NRG3: variants seen among roughly 807,000 people sequenced by gnomAD.
NRG3 encodes neuregulin 3.
NRG3 carries 31 observed loss-of-function variants against 66.9 expected under a neutral mutation model. That is an observed-to-expected ratio of 0.46 (90% CI 0.35 to 0.63). The LOEUF (loss-of-function observed/expected upper bound fraction) is 0.63, where lower values mean the gene tolerates loss of function less well. NRG3 is among the 20% of genes least tolerant of loss of function. NRG3 has a pLI of 0.00. For synonymous variants in NRG3, 393 were observed against 359.4 expected (o/e 1.09, Z -1.06); for missense variants, 910 against 878.9 (o/e 1.04, Z -0.45).
At chr10:82,085,561 A>G (rs1338056631) in intron 1 of NRG3, among the ~76,000 whole-genome samples, 23 of 151,840 alleles carry the variant, frequency 1.5e-4, no homozygotes, top group Admixed American at 1.3e-3. Flanking sequence ...AGGGGGACAG[A>G]CTCACACTTT....
chr10:82,209,804 C>G (rs975933397), intron 1 of NRG3, among the ~76,000 whole-genome samples: 8 of 152,030 alleles, frequency 5.3e-5, no homozygotes, highest in African/African-American at 1.9e-4. Flanking sequence ...ATCTAAAAAC[C>G]TTTCAGTTTT....
intron 1 of NRG3, among the ~76,000 whole-genome samples, chr10:82,096,776 T>C (rs1457753836): frequency 6.6e-6 from 1 of 152,090 alleles, no homozygotes; most frequent in African/African-American, 2.4e-5. Context: ...GAAAAGATGA[T>C]AGTTTTTCAG....
intron 2 of NRG3, among the ~76,000 whole-genome samples, chr10:82,528,488 G>A (rs563810847): frequency 2.6e-5 from 4 of 152,100 alleles, no homozygotes; most frequent in African/African-American, 4.8e-5. Context: ...TGGATATTTG[G>A]ACAATTCAGA....
chr10:81,884,247 A>T (rs530644596), intron 1 of NRG3, among the ~76,000 whole-genome samples: 8 of 152,330 alleles, frequency 5.3e-5, no homozygotes, highest in African/African-American at 1.9e-4. Context: ...CTTCACACAC[A>T]GATAGTGGCA....
intron 2 of NRG3, among the ~76,000 whole-genome samples, chr10:82,656,023 T>G (rs180948636): frequency 8.5e-5 from 13 of 152,338 alleles, no homozygotes. Flanking sequence ...AACTAATATC[T>G]AAAAGTAGTT....
intron 2 of NRG3, among the ~76,000 whole-genome samples, chr10:82,695,874 G>A (rs2055341536): frequency 6.6e-6 from 1 of 152,112 alleles, no homozygotes; most frequent in Non-Finnish European, 1.5e-5. Flanking sequence ...TATTTGGGGG[G>A]AATGGCCTCT....
intron 1 of NRG3, among the ~76,000 whole-genome samples, chr10:82,219,815 C>T (rs893859086): frequency 3.9e-5 from 6 of 151,912 alleles, no homozygotes; most frequent in Admixed American, 1.3e-4. Context: ...AATAGTTCTA[C>T]GTGAATAAAA....
At chr10:82,813,114 T>A (rs1565342608) in intron 3 of NRG3, among the ~76,000 whole-genome samples, 2 of 151,992 alleles carry the variant, frequency 1.3e-5, no homozygotes, top group Non-Finnish European at 2.9e-5. Flanking sequence ...CAGCATGTCC[T>A]AGATCTGAAA....
Position 82,358,766 on chromosome 10 carries a change from C to T in NRG3, c.851C>T (p.Ser284Phe). ...FHTTTYSTER[S>F]EHFKPCRDKD... ...ACGACGACATATTCCACAGAGCGAT[C>T]CGAGCACTTCAAACCCTGCCGAGAC... Residue 284 changes from serine (S) to phenylalanine (F), a missense_variant, in exon 2 of 9, where the codon TCC becomes TTC. Coordinates refer to ENST00000372141, the MANE Select transcript of NRG3 (RefSeq NM_001010848.4). 6.2e-7 allele frequency: 1 copy of T among 1,614,174 alleles called. No individual in the cohort carries two copies. Among genetic ancestry groups the T allele is most frequent in the South Asian group, 1.1e-5 (1 of 91,088 alleles).
chr10:82,669,024 G>A (rs553915037), intron 2 of NRG3, among the ~76,000 whole-genome samples: 4 of 152,032 alleles, frequency 2.6e-5, no homozygotes, highest in South Asian at 4.1e-4. Context: ...CCTTCTCCTC[G>A]TTCTTCTTTA....
chr10:81,984,452 T>C (rs982073328), intron 1 of NRG3, among the ~76,000 whole-genome samples: 3 of 152,326 alleles, frequency 2.0e-5, no homozygotes, highest in African/African-American at 2.4e-5. Flanking sequence ...TGAAATCTTA[T>C]GGTCAGTTTC....
chr10:81,899,040 A>G (rs1843781448), intron 1 of NRG3, among the ~76,000 whole-genome samples: 2 of 152,242 alleles, frequency 1.3e-5, no homozygotes, highest in African/African-American at 4.8e-5. Flanking sequence ...CAGGCAGCTC[A>G]GATATCCCAC....
chr10:81,914,554 G>A (rs190863631), intron 1 of NRG3, among the ~76,000 whole-genome samples: 6 of 151,486 alleles, frequency 4.0e-5, no homozygotes, highest in Non-Finnish European at 5.9e-5. Context: ...GCAACATTGC[G>A]AGACCCTGTT....
intron 1 of NRG3, among the ~76,000 whole-genome samples, chr10:81,988,521 C>T (rs2060613076): frequency 1.3e-5 from 2 of 152,090 alleles, no homozygotes; most frequent in Non-Finnish European, 2.9e-5. Context: ...TTTGTCCAGT[C>T]CCTCTTAATT....
intron 2 of NRG3, among the ~76,000 whole-genome samples, chr10:82,493,067 G>T (rs1333756885): frequency 6.6e-6 from 1 of 152,010 alleles, no homozygotes; most frequent in Admixed American, 6.6e-5. Context: ...CAGTCCAGGT[G>T]CCTGTGTGTG....
intron 1 of NRG3, among the ~76,000 whole-genome samples, chr10:82,172,671 T>C (rs1265339938): frequency 6.6e-6 from 1 of 152,088 alleles, no homozygotes; most frequent in Non-Finnish European, 1.5e-5. Context: ...TGTGCATCTC[T>C]ATCTCCATGC....
intron 1 of NRG3, among the ~76,000 whole-genome samples, chr10:81,922,279 G>T (rs1846326675): frequency 6.6e-6 from 1 of 152,046 alleles, no homozygotes; most frequent in African/African-American, 2.4e-5. Context: ...ATTATTACAT[G>T]ACTTTTTTGA....
At chr10:82,513,641 G>A (rs966685724) in intron 2 of NRG3, among the ~76,000 whole-genome samples, 1 of 152,132 alleles carries the variant, frequency 6.6e-6, no homozygotes, top group Non-Finnish European at 1.5e-5. Context: ...TTAGCTGGGT[G>A]TGGTGGCACA....
At chr10:82,674,971 A>AT (rs1005783182) in intron 2 of NRG3, among the ~76,000 whole-genome samples, 3 of 150,348 alleles carry the variant, frequency 2.0e-5, no homozygotes, top group Non-Finnish European at 3.0e-5. Context: ...TTATTTATTT[A>AT]TTTTTTGAGA....
Sources: allele counts gnomAD v4.1 joint callset (sites outside exome capture counted in the v4.1 genomes callset), GRCh38; gene constraint gnomAD v4.1.1; transcripts MANE v1.5; gene names NCBI Gene and HGNC (gene_info 2026-07-23, HGNC 2026-07-21).